SHMT1: variants seen among roughly 807,000 people sequenced by gnomAD.
The protein encoded by SHMT1 is serine hydroxymethyltransferase, cytosolic.
A neutral mutation model predicts 49.0 loss-of-function variants in SHMT1; 45 were observed. The observed-to-expected ratio is 0.92, with a 90% CI of 0.72 to 1.18. The LOEUF (loss-of-function observed/expected upper bound fraction) is 1.18. Among genes scored for constraint, SHMT1 ranks in the 50% most tolerant of loss-of-function variants. The pLI, the probability that SHMT1 is intolerant of heterozygous loss-of-function variation, is 0.00. For synonymous variants in SHMT1, 232 were observed against 246.6 expected (o/e 0.94, Z 0.55); for missense variants, 541 against 612.4 (o/e 0.88, Z 1.23).
At chr17:18,337,917 C>T (rs1192261263) in intron 7 of SHMT1, among the ~76,000 whole-genome samples, 4 of 151,960 alleles carry the variant, frequency 2.6e-5, no homozygotes, top group African/African-American at 7.3e-5. Context: ...GATCTCGGCT[C>T]GCTACAACCT....
At chr17:18,362,414 G>A (rs1221316843) in intron 1 of SHMT1, among the ~76,000 whole-genome samples, 1 of 151,916 alleles carries the variant, frequency 6.6e-6, no homozygotes, top group East Asian at 1.9e-4. Context: ...TCCACCTCCC[G>A]GGTTCAAGCG....
intron 9 of SHMT1, 193 bp from the exon 10 acceptor site, chr17:18,330,864 C>G: frequency 1.6e-6 from 1 of 639,342 alleles, no homozygotes; most frequent in South Asian, 1.6e-5. Flanking sequence ...AAGGACAGAG[C>G]ACTTTTGAAA....
At position 18,340,924 on chromosome 17, in the gene SHMT1, G is replaced by C. The variant is rs989795765; in HGVS notation, c.520-111C>G. 2.5e-6 allele frequency: 2 copies of C among 790,368 alleles called. No homozygotes were observed. The highest frequency in any genetic ancestry group is 3.4e-5 in the African/African-American group (2 of 58,626). The allele number at this position is 790,368 out of a possible 1,614,324, so 49.0% of individuals were successfully genotyped here. ...CCATGACAAGAGGAATGATGTCCTA[G>C]ATGAGGACTTGAGGGTGAGACAGGA... On this transcript the variant is annotated intron_variant, in intron 5 of 11. Coordinates refer to ENST00000316694, the MANE Select transcript of SHMT1 (RefSeq NM_004169.5). The surrounding 1 kb of genome is among the most constrained non-coding windows in gnomAD (Gnocchi z 4.5).
chr17:18,329,284 G>C lies in SHMT1; in HGVS notation c.1276C>G (p.His426Asp). The change falls in exon 11 of 12, where the codon CAC becomes GAC. Residue 426 changes from histidine to aspartate, a missense_variant. His to Asp is a moderately conservative substitution (Grantham distance 81). Coordinates refer to ENST00000316694, the MANE Select transcript of SHMT1 (RefSeq NM_004169.5). ...KDFQKVAHFI[H>D]RGIELTLQIQ... ...TCCAAACTTTTATCCTTACCTCTGT[G>C]AATAAAGTGGGCTACTTTTTGGAAG... is the stretch of plus-strand genomic sequence containing the variant. 1 of 1,609,574 alleles carries C rather than the reference G, an allele frequency of 6.2e-7. No individual in the cohort carries two copies. Among genetic ancestry groups the C allele is most frequent in the Non-Finnish European group, 8.5e-7 (1 of 1,176,426 alleles).
At chr17:18,337,728 C>CG (rs1182774382) in intron 7 of SHMT1, among the ~76,000 whole-genome samples, 1 of 152,220 alleles carries the variant, frequency 6.6e-6, no homozygotes, top group Non-Finnish European at 1.5e-5. Flanking sequence ...CGTGCCGCCA[C>CG]GCCTGACTGG....
Position 18,355,872 on chromosome 17 carries a change from C to G in SHMT1, c.96+14G>C. ...CCAACATAAAAAAATCTGTGAAGAC[C>G]CCAAAAATCTCACCTCAACATCACT... On this transcript the variant is annotated intron_variant, in intron 2 of 11. Transcript: ENST00000316694. 6.3e-7 allele frequency: 1 copy of G among 1,585,170 alleles called. No individual in the cohort carries two copies. Among genetic ancestry groups the G allele is most frequent in the Non-Finnish European group, 8.7e-7 (1 of 1,153,884 alleles).
chr17:18,349,315 G>A (rs1486847981), intron 3 of SHMT1, among the ~76,000 whole-genome samples: 5 of 152,040 alleles, frequency 3.3e-5, no homozygotes, highest in African/African-American at 1.2e-4. Context: ...AGCTGCTCGG[G>A]AGGCTGAGGC....
At chr17:18,346,952 T>G (rs565199187) in intron 5 of SHMT1, among the ~76,000 whole-genome samples, 2 of 152,354 alleles carry the variant, frequency 1.3e-5, no homozygotes, top group Admixed American at 6.5e-5. Flanking sequence ...AACCACTGTC[T>G]GTTCCTCTGT....
rs749948508 is a variant in SHMT1, at chr17:18,340,835, G to A, written c.520-22C>T. On this transcript the variant is annotated intron_variant, in intron 5 of 11. Coordinates refer to ENST00000316694, the MANE Select transcript of SHMT1 (RefSeq NM_004169.5). This position sits in a 1 kb window ranked among gnomAD's most constrained non-coding sequence, Gnocchi z 4.5. ...TCACCTGTGGAATGTCAGGGAGGCA[G>A]GTTCAGGCTGCTTCCTCCAACCACA... is the stretch of plus-strand genomic sequence containing the variant. The A allele has an allele frequency of 2.3e-5, 36 of 1,597,274 alleles. No homozygotes were observed. Among genetic ancestry groups the A allele is most frequent in the Non-Finnish European group, 3.0e-5 (35 of 1,168,370 alleles).
chr17:18,350,072 T>C (rs1489616969), intron 3 of SHMT1, among the ~76,000 whole-genome samples: 1 of 152,040 alleles, frequency 6.6e-6, no homozygotes. Flanking sequence ...CTCACGCCTG[T>C]AATCCCAGCA....
At chr17:18,344,577 G>GGAA (rs1555581586) in intron 5 of SHMT1, among the ~76,000 whole-genome samples, 3 of 65,384 alleles carry the variant, frequency 4.6e-5, no homozygotes, top group African/African-American at 6.0e-5. Flanking sequence ...ACAATTACCG[G>GGAA]AAAAAAAAAA....
Position 18,344,888 on chromosome 17 carries a change from T to C in SHMT1, c.519+2608A>G, listed in dbSNP as rs1984922297. 1.3e-5 allele frequency among the ~76,000 whole-genome samples: 2 copies of C among 152,196 alleles called. 1 individual carries two copies. The highest frequency in any genetic ancestry group is 4.1e-4 in the South Asian group (2 of 4,836). On this transcript the variant is annotated intron_variant, in intron 5 of 11. Coordinates refer to ENST00000316694, the MANE Select transcript of SHMT1 (RefSeq NM_004169.5). Reference sequence around the variant, plus strand: ...TCTAGCCTGGCCCTGCGTGGGGCTCTTGCAGTGGAGTGGGGCAGGGGCTGA... The same window carrying C: ...TCTAGCCTGGCCCTGCGTGGGGCTCCTGCAGTGGAGTGGGGCAGGGGCTGA...
rs1241666762 is a variant in SHMT1 at position 18,337,192 on chromosome 17, C to A, written c.815-1517G>T. The stretch of plus-strand genomic sequence containing the variant: ...ACAGGTACTATTATTATAGTCCCCA[C>A]TCTAGAGGTGAGGAAATGAGGAACA... On this transcript the variant is annotated intron_variant, in intron 7 of 11. Transcript: ENST00000316694. Among the ~76,000 whole-genome samples the A allele has an allele frequency of 2.6e-5, 4 of 152,286 alleles. No homozygotes were observed. In the East Asian group the frequency reaches 5.8e-4, roughly 22 times the overall value.
chr17:18,356,852 C>T (rs1390766887), intron 1 of SHMT1, among the ~76,000 whole-genome samples: 2 of 152,098 alleles, frequency 1.3e-5, no homozygotes, highest in Non-Finnish European at 2.9e-5. Context: ...TGCAGGGAGC[C>T]CAACTCCGCC....
intron 5 of SHMT1, chr17:18,341,297 AC>A: frequency 5.2e-6 from 1 of 193,722 alleles, no homozygotes; most frequent in South Asian, 9.4e-5. Flanking sequence ...CTAGGGGCCA[AC>A]TGTTAGAATA....
chr17:18,351,960 TCA>T (rs553759771), intron 3 of SHMT1, among the ~76,000 whole-genome samples: 40 of 152,132 alleles, frequency 2.6e-4, no homozygotes, highest in African/African-American at 8.9e-4. Flanking sequence ...ATACTCCACC[TCA>T]GTTTCTTGAG....
At chr17:18,332,948 C>T (rs1462176795) in intron 9 of SHMT1, 2 of 643,182 alleles carry the variant, frequency 3.1e-6, no homozygotes, top group African/African-American at 1.8e-5. Flanking sequence ...ATGGCAACCA[C>T]TATTCCCATC....
intron 3 of SHMT1, among the ~76,000 whole-genome samples, chr17:18,351,192 G>A (rs911440832): frequency 2.6e-5 from 4 of 151,734 alleles, no homozygotes; most frequent in African/African-American, 9.7e-5. Flanking sequence ...CCAGGCTGGA[G>A]TGCAGTGGCG....
At chr17:18,348,039 G>C (rs1188398269) in intron 4 of SHMT1, among the ~76,000 whole-genome samples, 1 of 151,576 alleles carries the variant, frequency 6.6e-6, no homozygotes, top group Non-Finnish European at 1.5e-5. Context: ...TCCTGCCTCA[G>C]GCTCCGAGTA....
Sources: gnomAD v4.1 joint callset for allele counts (sites outside exome capture counted in the v4.1 genomes callset) on GRCh38, gnomAD v4.1.1 for gene constraint, Gnocchi (gnomAD v3.1) non-coding constraint, MANE v1.5 for transcripts, NCBI Gene and HGNC (gene_info 2026-07-23, HGNC 2026-07-21) for gene names.